Variants in SHROOM3 observed in about 807,000 individuals in gnomAD.
The protein encoded by SHROOM3 is shroom family member 3.
In SHROOM3, 47 loss-of-function variants were observed where a neutral mutation model predicts 138.6. The ratio of observed to expected loss-of-function variants is 0.34; its 90% CI spans 0.27 to 0.43. The LOEUF (loss-of-function observed/expected upper bound fraction) is 0.43, where lower values mean the gene tolerates loss of function less well. SHROOM3 is among the 20% of genes least tolerant of loss of function. The pLI, the probability that SHROOM3 is intolerant of heterozygous loss-of-function variation, is 1.00. For synonymous variants in SHROOM3, 1,062 were observed against 1,063.3 expected, an observed-to-expected ratio of 1.00 and a Z score of 0.02; for missense variants, 2,491 against 2,596.5, an observed-to-expected ratio of 0.96 and a Z score of 0.88.
At chr4:76,453,241 G>A (rs1359244874) in intron 1 of SHROOM3, among the ~76,000 whole-genome samples, 1 of 151,832 alleles carries the variant, frequency 6.6e-6, no homozygotes, top group Non-Finnish European at 1.5e-5. Context: ...CCTTGCAAAC[G>A]CTTGATATTT....
At chr4:76,531,044 C>A (rs770956276) in intron 1 of SHROOM3, among the ~76,000 whole-genome samples, 1 of 152,178 alleles carries the variant, frequency 6.6e-6, no homozygotes, top group Non-Finnish European at 1.5e-5. Flanking sequence ...GTTTGCTTGG[C>A]TCTGTGATTT....
intron 2 of SHROOM3, among the ~76,000 whole-genome samples, chr4:76,576,757 C>T (rs563408691): frequency 2.6e-5 from 4 of 151,784 alleles, no homozygotes; most frequent in African/African-American, 9.7e-5. Flanking sequence ...ATCTCACGTA[C>T]CCCATAAATG....
intron 3 of SHROOM3, among the ~76,000 whole-genome samples, chr4:76,722,625 A>G (rs1577996088): frequency 6.6e-6 from 1 of 152,124 alleles, no homozygotes; most frequent in Admixed American, 6.6e-5. Context: ...GCTTACCTAT[A>G]TAACAAACCT....
intron 2 of SHROOM3, among the ~76,000 whole-genome samples, chr4:76,615,628 G>T (rs3733246): frequency 6.6e-6 from 1 of 151,748 alleles, no homozygotes; most frequent in African/African-American, 2.4e-5. Flanking sequence ...GGAAAGGAGT[G>T]GGGGAGGCAC....
intron 1 of SHROOM3, among the ~76,000 whole-genome samples, chr4:76,507,641 A>G (rs1313118502): frequency 6.7e-6 from 1 of 149,048 alleles, no homozygotes; most frequent in Non-Finnish European, 1.5e-5. Context: ...GGTTCATGCC[A>G]TTCTCCTGCC....
intron 1 of SHROOM3, among the ~76,000 whole-genome samples, chr4:76,452,113 A>T (rs1166143859): frequency 6.6e-6 from 1 of 152,254 alleles, no homozygotes; most frequent in African/African-American, 2.4e-5. Context: ...ATTAGGTCAG[A>T]TGAATAAAAG....
rs148247870 is a variant in SHROOM3, at chr4:76,532,804, C to T, written c.169-22805C>T. 1.4e-4 allele frequency among the ~76,000 whole-genome samples: 22 copies of T among 152,148 alleles called. No individual in the cohort carries two copies. In the East Asian group the frequency reaches 2.7e-3, roughly 19 times the overall value. On this transcript the variant is annotated intron_variant, in intron 1 of 10. Coordinates refer to ENST00000296043, the MANE Select transcript of SHROOM3 (RefSeq NM_020859.4). ...TTTTTACTTCACCATACTTTATGTA[C>T]GGTTTCTCTCTGGTGTATCTGAGAG...
At chr4:76,574,762 A>G (rs1029012353) in intron 2 of SHROOM3, among the ~76,000 whole-genome samples, 4 of 152,206 alleles carry the variant, frequency 2.6e-5, no homozygotes, top group African/African-American at 9.6e-5. Flanking sequence ...TGTATAAGGT[A>G]CCCAGGGTAG....
In SHROOM3 at chr4:76,741,621, C is replaced by A. The variant is rs1006523959; in HGVS notation, c.3448C>A (p.Arg1150Ser). ...ACTGCGGGAGCCCAGCCTGCAGCCC[C>A]GCAGGGAGGCCACGCTCCTGCCGGC... ...SSLREPSLQP[R>S]REATLLPATV... Residue 1150 changes from arginine to serine, a missense_variant, in exon 5 of 11, where the codon CGC becomes AGC. Physicochemically the swap from Arg to Ser is moderately radical, Grantham distance 110. Coordinates refer to ENST00000296043, the MANE Select transcript of SHROOM3 (RefSeq NM_020859.4). The surrounding 1 kb of genome is among the most constrained non-coding windows in gnomAD (Gnocchi z 6.2). The A allele has an allele frequency of 5.2e-6, 8 of 1,540,878 alleles. No individual in the cohort carries two copies. The highest frequency in any genetic ancestry group is 6.1e-6 in the Non-Finnish European group (7 of 1,148,846).
intron 6 of SHROOM3, among the ~76,000 whole-genome samples, chr4:76,751,170 TA>T (rs1252308024): frequency 1.3e-5 from 2 of 152,204 alleles, no homozygotes; most frequent in Non-Finnish European, 2.9e-5. Flanking sequence ...CTTTTTTTTC[TA>T]AAGGCTTGCA....
At chr4:76,657,641 G>A (rs1181993257) in intron 2 of SHROOM3, among the ~76,000 whole-genome samples, 1 of 152,194 alleles carries the variant, frequency 6.6e-6, no homozygotes, top group Non-Finnish European at 1.5e-5. Flanking sequence ...GGGTGGGGGG[G>A]TCCCCTTGGA....
At chr4:76,442,597 G>A (rs996469174) in intron 1 of SHROOM3, among the ~76,000 whole-genome samples, 1 of 151,956 alleles carries the variant, frequency 6.6e-6, no homozygotes. Context: ...TTTTAGTAGA[G>A]ATAGGGTTTC....
chr4:76,627,548 G>C (rs1465185454), intron 2 of SHROOM3, among the ~76,000 whole-genome samples: 1 of 152,106 alleles, frequency 6.6e-6, no homozygotes, highest in East Asian at 1.9e-4. Flanking sequence ...CCTATTTTAA[G>C]CTCTCTGGAA....
intron 5 of SHROOM3, among the ~76,000 whole-genome samples, chr4:76,746,369 C>T (rs1721434403): frequency 6.6e-6 from 1 of 152,192 alleles, no homozygotes; most frequent in Admixed American, 6.5e-5. Context: ...TGTATCTTCT[C>T]CATGTTTAGA....
rs150562697 is a variant in SHROOM3 at position 76,630,762 on chromosome 4, A to G, written c.323+74999A>G. On this transcript the variant is annotated intron_variant, in intron 2 of 10. Transcript: ENST00000296043. ...AATGATAAATTGGAGAAGCCTGGAA[A>G]GAGCTAAAGGAATATAGAATTGAAC... Among the ~76,000 whole-genome samples the G allele has an allele frequency of 9.2e-5, 14 of 152,366 alleles. 1 individual carries two copies. Among genetic ancestry groups the G allele is most frequent in the Non-Finnish European group, 1.5e-4 (10 of 68,036 alleles).
At chr4:76,738,339 TTC>T (rs1244535242) in intron 4 of SHROOM3, among the ~76,000 whole-genome samples, 1 of 152,150 alleles carries the variant, frequency 6.6e-6, no homozygotes, top group Non-Finnish European at 1.5e-5. Context: ...CCCGTGCCTA[TTC>T]TCTTATTAAC....
intron 2 of SHROOM3, among the ~76,000 whole-genome samples, chr4:76,623,728 TTCTG>T (rs987106149): frequency 7.2e-5 from 11 of 152,354 alleles, no homozygotes; most frequent in African/African-American, 2.4e-4. Flanking sequence ...CTAAATCTTT[TTCTG>T]TCTCTTTCCT....
chr4:76,550,475 T>G (rs1733326721), intron 1 of SHROOM3, among the ~76,000 whole-genome samples: 1 of 152,076 alleles, frequency 6.6e-6, no homozygotes, highest in South Asian at 2.1e-4. Flanking sequence ...AAGGAGACAT[T>G]TCATAATGGA....
intron 2 of SHROOM3, among the ~76,000 whole-genome samples, chr4:76,578,762 G>C (rs531909899): frequency 2.0e-5 from 3 of 152,234 alleles, no homozygotes; most frequent in Non-Finnish European, 4.4e-5. Context: ...TCCATTCTGT[G>C]TATGTTACAC....
Sources: allele counts gnomAD v4.1 joint callset (sites outside exome capture counted in the v4.1 genomes callset), GRCh38; gene constraint gnomAD v4.1.1; non-coding constraint Gnocchi (gnomAD v3.1); transcripts MANE v1.5; gene names NCBI Gene and HGNC (gene_info 2026-07-23, HGNC 2026-07-21).